BPI: variants seen among roughly 807,000 people sequenced by gnomAD.
The protein encoded by BPI is bactericidal permeability-increasing protein.
Under a neutral mutation model 57.6 loss-of-function variants are expected in BPI, and 48 were observed. The observed-to-expected ratio is 0.83, with a 90% CI of 0.66 to 1.06. The LOEUF is 1.06. BPI is among the 50% of genes least tolerant of loss of function. BPI has a pLI of 0.00. For missense variants in BPI, 651 were observed against 609.7 expected (o/e 1.07, Z -0.71); for synonymous variants, 237 against 238.2 (o/e 0.99, Z 0.05).
chr20:38,324,692 T>A (rs2076703153), intron 8 of BPI, 82 bp from the exon 9 acceptor site: 2 of 1,172,456 alleles, frequency 1.7e-6, no homozygotes, highest in Non-Finnish European at 2.6e-6. Flanking sequence ...GCAGTCAGCC[T>A]CTCACCCCGA....
At chr20:38,329,290 C>T (rs573473422) in intron 11 of BPI, among the ~76,000 whole-genome samples, 1 of 152,272 alleles carries the variant, frequency 6.6e-6, no homozygotes, top group East Asian at 1.9e-4. Flanking sequence ...CTGGCACCCG[C>T]CTCTTCAGCA....
At chr20:38,329,242 C>A (rs2076730032) in intron 11 of BPI, among the ~76,000 whole-genome samples, 1 of 151,908 alleles carries the variant, frequency 6.6e-6, no homozygotes, top group South Asian at 2.1e-4. Flanking sequence ...AAAGAGACAC[C>A]ATATGCAAGC....
chr20:38,312,364 C>G (rs905501495), intron 5 of BPI, among the ~76,000 whole-genome samples: 5 of 152,240 alleles, frequency 3.3e-5, no homozygotes, highest in Non-Finnish European at 5.9e-5. Context: ...TGGCCAAACC[C>G]CAGCCATAGC....
In BPI at chr20:38,330,971, T is replaced by C. The variant is rs1600713411; in HGVS notation, c.1230-77T>C. Reference sequence around the variant, plus strand: ...ACCAGACAGTATCCACCAGAGTGGGTCTCTCCTCTCTAGAGACTGGGTTCT... The same window carrying C: ...ACCAGACAGTATCCACCAGAGTGGGCCTCTCCTCTCTAGAGACTGGGTTCT... On this transcript the variant is annotated intron_variant, in intron 11 of 14. Coordinates refer to ENST00000642449, the MANE Select transcript of BPI (RefSeq NM_001725.3). 2.0e-6 allele frequency: 3 copies of C among 1,530,778 alleles called. No homozygotes were observed. In the African/African-American group the frequency reaches 4.1e-5, roughly 21 times the overall value. The allele number at this position is 1,530,778 out of a possible 1,614,324, so 94.8% of individuals were successfully genotyped here.
At chr20:38,327,696 T>A (rs2076720789) in intron 11 of BPI, 41 bp downstream of exon 11, 1 of 1,595,896 alleles carries the variant, frequency 6.3e-7, no homozygotes, top group Admixed American at 1.7e-5. Context: ...TGCCCCTCTG[T>A]CCTTGGTGTC....
chr20:38,326,223 G>C, intron 9 of BPI, 42 bp from the exon 10 acceptor site: 1 of 1,578,352 alleles, frequency 6.3e-7, no homozygotes. Flanking sequence ...CATTTTAACA[G>C]AAACTCCTCC....
At chr20:38,324,421 A>T (rs903928231) in intron 8 of BPI, among the ~76,000 whole-genome samples, 2 of 152,204 alleles carry the variant, frequency 1.3e-5, no homozygotes, top group African/African-American at 4.8e-5. Context: ...ATTGATGAGT[A>T]CTTGTCAGAT....
At chr20:38,316,720 C>T (rs545233232) in intron 5 of BPI, among the ~76,000 whole-genome samples, 13 of 152,260 alleles carry the variant, frequency 8.5e-5, no homozygotes, top group Middle Eastern at 3.4e-3. Context: ...GTCCCAGAAG[C>T]GGGAAGAAGG....
intron 2 of BPI, among the ~76,000 whole-genome samples, chr20:38,308,272 A>G (rs983776812): frequency 2.6e-5 from 4 of 152,198 alleles, no homozygotes; most frequent in Admixed American, 6.5e-5. Context: ...AATGAAATAC[A>G]CTACTTGGCC....
At chr20:38,335,213 T>C (rs1490487571) in intron 13 of BPI, among the ~76,000 whole-genome samples, 1 of 152,168 alleles carries the variant, frequency 6.6e-6, no homozygotes, top group Non-Finnish European at 1.5e-5. Context: ...CTGGCCACTG[T>C]CCACCTCTGG....
chr20:38,331,662 A>G (rs1256448202), intron 12 of BPI, among the ~76,000 whole-genome samples: 2 of 152,086 alleles, frequency 1.3e-5, no homozygotes, highest in East Asian at 3.9e-4. Flanking sequence ...TGGGCAACAT[A>G]GCAAGACCTC....
chr20:38,327,478 AGT>A (rs1486351444), intron 10 of BPI, 108 bp from the exon 11 acceptor site: 1 of 1,191,772 alleles, frequency 8.4e-7, no homozygotes, highest in East Asian at 2.6e-5. Flanking sequence ...CTGACCCCAC[AGT>A]GTATGCTGCC....
chr20:38,326,924 C>T lies in BPI; in HGVS notation c.1161+492C>T, dbSNP rs181424881. On this transcript the variant is annotated intron_variant, in intron 10 of 14. Transcript: ENST00000642449. ...TTGATCATTCATTTGTATATTTGTT[C>T]ATTTATTCGTCCATCATTTATTCAT... 3.3e-5 allele frequency among the ~76,000 whole-genome samples: 5 copies of T among 152,278 alleles called. No individual in the cohort carries two copies. In the East Asian group the frequency reaches 9.6e-4, roughly 29 times the overall value.
intron 11 of BPI, 99 bp from the exon 12 acceptor site, chr20:38,330,949 A>G (rs1440863909): frequency 7.1e-7 from 1 of 1,415,506 alleles, no homozygotes; most frequent in Non-Finnish European, 9.9e-7. Flanking sequence ...TGGGAAAACC[A>G]GACAGTATCC....
intron 5 of BPI, among the ~76,000 whole-genome samples, chr20:38,313,260 G>A (rs1478500113): frequency 3.3e-5 from 5 of 152,020 alleles, no homozygotes; most frequent in African/African-American, 1.2e-4. Flanking sequence ...ATACATGCCT[G>A]TAATCCCAGC....
At chr20:38,323,608 G>GGTAAGGA (rs2076697383) in intron 7 of BPI, among the ~76,000 whole-genome samples, 2 of 152,158 alleles carry the variant, frequency 1.3e-5, no homozygotes, top group Non-Finnish European at 2.9e-5. Flanking sequence ...GTGTGACCTT[G>GGTAAGGA]GGCAAGTCAC....
At chr20:38,332,798 C>T (rs897319677) in intron 12 of BPI, among the ~76,000 whole-genome samples, 4 of 152,132 alleles carry the variant, frequency 2.6e-5, no homozygotes, top group East Asian at 1.9e-4. Context: ...ACTGCCCTCA[C>T]GAGGGGCATT....
Position 38,336,547 on chromosome 20 carries a change from T to C in BPI, c.1414-599T>C, listed in dbSNP as rs554942776. Among the ~76,000 whole-genome samples the C allele has an allele frequency of 4.6e-5, 7 of 152,122 alleles. No homozygotes were observed. In the South Asian group the frequency reaches 8.3e-4, roughly 18 times the overall value. On this transcript the variant is annotated intron_variant, in intron 14 of 14. Coordinates refer to ENST00000642449, the MANE Select transcript of BPI (RefSeq NM_001725.3). The stretch of plus-strand genomic sequence containing the variant: ...CTTGGTCAAAGGCTTTCCTGATAAC[T>C]TGTGGCCCTCCTGGGGAGCCTCGCA...
At chr20:38,310,001 A>G (rs1046155272) in intron 3 of BPI, among the ~76,000 whole-genome samples, 7 of 152,182 alleles carry the variant, frequency 4.6e-5, no homozygotes, top group Admixed American at 4.6e-4. Context: ...ATGATCACAC[A>G]CAAAAACAAA....
Sources: allele counts gnomAD v4.1 joint callset (sites outside exome capture counted in the v4.1 genomes callset), GRCh38; gene constraint gnomAD v4.1.1; transcripts MANE v1.5; gene names NCBI Gene and HGNC (gene_info 2026-07-23, HGNC 2026-07-21).